CDH13: variants seen among roughly 807,000 people sequenced by gnomAD.
The protein encoded by CDH13 is cadherin-13.
A neutral mutation model predicts 63.8 loss-of-function variants in CDH13; 24 were observed. The observed-to-expected ratio is 0.38, with a 90% CI of 0.27 to 0.53. CDH13 has a LOEUF of 0.53. Among genes scored for constraint, CDH13 ranks in the 20% least tolerant of loss-of-function variants. CDH13 has a pLI of 0.85. For missense variants in CDH13, 1,049 were observed against 903.1 expected (o/e 1.16, Z -2.07); for synonymous variants, 503 against 355.3 (o/e 1.42, Z -4.67).
intron 2 of CDH13, among the ~76,000 whole-genome samples, chr16:82,864,896 C>T (rs1467071980): frequency 6.6e-6 from 1 of 152,208 alleles, no homozygotes; most frequent in Non-Finnish European, 1.5e-5. Context: ...AAGTTAGCTG[C>T]TTCCTGGATA....
At chr16:83,371,433 T>C (rs1358398385) in intron 6 of CDH13, among the ~76,000 whole-genome samples, 1 of 152,208 alleles carries the variant, frequency 6.6e-6, no homozygotes, top group African/African-American at 2.4e-5. Context: ...GCCCTTTTCC[T>C]CTTTCTTGGC....
intron 2 of CDH13, among the ~76,000 whole-genome samples, chr16:82,921,887 T>C (rs1418232467): frequency 6.6e-6 from 1 of 152,182 alleles, no homozygotes. Context: ...TGAGCTTTTC[T>C]TTGCAGAAAT....
chr16:83,713,528 C>G (rs1017777564), intron 10 of CDH13, among the ~76,000 whole-genome samples: 1 of 151,346 alleles, frequency 6.6e-6, no homozygotes, highest in Non-Finnish European at 1.5e-5. Flanking sequence ...AAAAAATTTC[C>G]TCTTCAAATT....
chr16:83,504,048 C>T, intron 7 of CDH13, among the ~76,000 whole-genome samples: 1 of 152,128 alleles, frequency 6.6e-6, no homozygotes, highest in East Asian at 1.9e-4. Flanking sequence ...GTGCAGCAAA[C>T]CACCATGGCA....
Position 83,416,902 on chromosome 16 carries a change from T to TA in CDH13, c.782-69567dup, listed in dbSNP as rs553501421. Among the ~76,000 whole-genome samples, 569 of 152,052 alleles carry TA rather than the reference T, an allele frequency of 3.7e-3. 2 individuals carry two copies. Among genetic ancestry groups the TA allele is most frequent in the African/African-American group, 0.013 (522 of 41,490 alleles). On this transcript the variant is annotated intron_variant, in intron 6 of 13. Coordinates refer to ENST00000567109, the MANE Select transcript of CDH13 (RefSeq NM_001257.5). ...TATAAAATTATTGAAATGGTTATGCTAAAAAAAATGTGCAAAGTCTTTAGA... is the reference window on the plus strand; with the variant it reads ...TATAAAATTATTGAAATGGTTATGCTAAAAAAAAATGTGCAAAGTCTTTAGA...
At chr16:82,776,776 C>T (rs1025308814) in intron 1 of CDH13, among the ~76,000 whole-genome samples, 1 of 152,192 alleles carries the variant, frequency 6.6e-6, no homozygotes, top group African/African-American at 2.4e-5. Flanking sequence ...TCATCCCTCT[C>T]TTCTCCCACC....
intron 1 of CDH13, among the ~76,000 whole-genome samples, chr16:82,683,687 G>A (rs1042850690): frequency 5.3e-5 from 8 of 152,130 alleles, no homozygotes; most frequent in African/African-American, 1.7e-4. Context: ...TTAGGAAATG[G>A]TTGTCTTACT....
At chr16:82,820,907 CT>C (rs10710638) in intron 1 of CDH13, among the ~76,000 whole-genome samples, 70,279 of 151,984 alleles carry the variant, frequency 0.46, 17,342 homozygotes, top group Non-Finnish European at 0.56. Flanking sequence ...TATGCCTGCC[CT>C]TTTCTCTGGT....
At chr16:83,411,169 C>T (rs1001776371) in intron 6 of CDH13, among the ~76,000 whole-genome samples, 1 of 152,156 alleles carries the variant, frequency 6.6e-6, no homozygotes, top group Admixed American at 6.5e-5. Flanking sequence ...GGACCTCACA[C>T]AATTGCTCCT....
At chr16:83,585,220 C>T (rs1374074608) in intron 7 of CDH13, among the ~76,000 whole-genome samples, 2 of 152,196 alleles carry the variant, frequency 1.3e-5, no homozygotes, top group African/African-American at 4.8e-5. Context: ...CTGGGACCTC[C>T]TTCCACCTTC....
At chr16:82,731,478 G>C (rs915626628) in intron 1 of CDH13, among the ~76,000 whole-genome samples, 1 of 152,176 alleles carries the variant, frequency 6.6e-6, no homozygotes, top group African/African-American at 2.4e-5. Context: ...TTGCCCCCCA[G>C]AACACAGGAC....
chr16:83,697,206 G>A (rs1905521314), intron 10 of CDH13, among the ~76,000 whole-genome samples: 1 of 152,174 alleles, frequency 6.6e-6, no homozygotes, highest in Non-Finnish European at 1.5e-5. Context: ...GCAGAACAGG[G>A]AAAAATTTGA....
chr16:83,133,944 G>C (rs2036164612), intron 4 of CDH13, among the ~76,000 whole-genome samples: 1 of 152,208 alleles, frequency 6.6e-6, no homozygotes. Context: ...CTAACACAGA[G>C]TAGCGACTCA....
At chr16:82,814,913 G>A (rs1023725321) in intron 1 of CDH13, among the ~76,000 whole-genome samples, 19 of 152,074 alleles carry the variant, frequency 1.2e-4, no homozygotes, top group Admixed American at 2.0e-4. Flanking sequence ...TTACCCGCTG[G>A]TGTCCACTGA....
intron 1 of CDH13, among the ~76,000 whole-genome samples, chr16:82,630,819 T>G (rs902840192): frequency 6.6e-6 from 1 of 152,216 alleles, no homozygotes; most frequent in Admixed American, 6.5e-5. Flanking sequence ...TAGCCAACAG[T>G]GTTTCTGTGT....
At chr16:83,246,662 T>A (rs4454962) in intron 5 of CDH13, among the ~76,000 whole-genome samples, 123,079 of 152,162 alleles carry the variant, frequency 0.81, 49,913 homozygotes, top group East Asian at 0.97. Flanking sequence ...GTCATTGTCA[T>A]TCACTTGAAC....
intron 4 of CDH13, among the ~76,000 whole-genome samples, chr16:83,149,790 C>G (rs752929229): frequency 5.3e-5 from 8 of 152,210 alleles, no homozygotes; most frequent in Non-Finnish European, 1.2e-4. Flanking sequence ...GTACATATCT[C>G]TTCCAAACTC....
intron 1 of CDH13, among the ~76,000 whole-genome samples, chr16:82,751,632 G>C (rs2034419304): frequency 6.6e-6 from 1 of 151,356 alleles, no homozygotes. Context: ...TTCCATGCCT[G>C]AGAGAGCACA....
chr16:83,232,832 C>T (rs184248631), intron 5 of CDH13, among the ~76,000 whole-genome samples: 157 of 152,284 alleles, frequency 1.0e-3, no homozygotes, highest in African/African-American at 3.6e-3. Flanking sequence ...GAATTGATAG[C>T]TCCAGCCCTT....
Sources: allele counts gnomAD v4.1 joint callset (sites outside exome capture counted in the v4.1 genomes callset), GRCh38; gene constraint gnomAD v4.1.1; transcripts MANE v1.5; gene names NCBI Gene and HGNC (gene_info 2026-07-23, HGNC 2026-07-21).